Variants in PHYKPL observed in about 807,000 individuals in gnomAD.
PHYKPL encodes the protein 5-phosphonooxy-L-lysine phospho-lyase.
PHYKPL carries 42 observed loss-of-function variants against 51.3 expected under a neutral mutation model. That is an observed-to-expected ratio of 0.82 (90% CI 0.64 to 1.06). The LOEUF (loss-of-function observed/expected upper bound fraction) is 1.06, where lower values mean the gene tolerates loss of function less well. PHYKPL is among the 50% of genes least tolerant of loss of function. PHYKPL has a pLI of 0.00. For synonymous variants in PHYKPL, 264 were observed against 236.0 expected, an observed-to-expected ratio of 1.12 and a Z score of -1.09; for missense variants, 655 against 586.6, an observed-to-expected ratio of 1.12 and a Z score of -1.20.
chr5:178,223,045 G>A (rs1761519774), intron 6 of PHYKPL, 111 bp from the exon 7 acceptor site: 37 of 996,604 alleles, frequency 3.7e-5, no homozygotes, highest in Non-Finnish European at 5.3e-5. Context: ...CATCAGTGCT[G>A]CACCCCTACT....
chr5:178,228,916 A>G (rs1762825236), intron 3 of PHYKPL, among the ~76,000 whole-genome samples: 1 of 151,962 alleles, frequency 6.6e-6, no homozygotes, highest in Non-Finnish European at 1.5e-5. Flanking sequence ...CAGCTTCCCC[A>G]CTTGGCGGAG....
chr5:178,207,691 C>CTTTTTTTT (rs34424574), downstream of PHYKPL, among the ~76,000 whole-genome samples: 7 of 78,774 alleles, frequency 8.9e-5, no homozygotes, highest in African/African-American at 2.1e-4. Flanking sequence ...ACTTTGAGCA[C>CTTTTTTTT]TTTTTTTTTT....
Position 178,224,474 on chromosome 5 carries a change from T to C in PHYKPL, c.592A>G (p.Ser198Gly), listed in dbSNP as rs769473743. The C allele has an allele frequency of 3.1e-6, 5 of 1,602,996 alleles. No individual in the cohort carries two copies. The highest frequency in any genetic ancestry group is 1.3e-5 in the African/African-American group (1 of 74,878). The change falls in exon 6 of 13, where the codon AGC (serine) becomes GGC (glycine). Residue 198 changes from serine (S) to glycine (G), a missense_variant. Coordinates refer to ENST00000308158, the MANE Select transcript of PHYKPL (RefSeq NM_153373.4). Reference protein sequence around the residue: ...AYANEVKRVVSSAQEKGRKIA... With the variant: ...AYANEVKRVVGSAQEKGRKIA... ...TTCCTGCCCTTCTCCTGTGCACTGC[T>C]GACCACACGTTTCACCTCGTTGGCA...
At chr5:178,209,980 CCCAGGGCCCTTATACA>C (rs1414985677) in intron 12 of PHYKPL, 2 of 997,320 alleles carry the variant, frequency 2.0e-6, no homozygotes, top group African/African-American at 4.9e-5. Context: ...CAGGGTTGGG[CCCAGGGCCCTTATACA>C]CCAGAACAGC....
rs770344067 is a variant in PHYKPL at position 178,231,476 on chromosome 5, C to T, written c.107G>A (p.Arg36Gln). The part of the protein sequence containing the change: ...FFPEDPVKIV[R>Q]AQGQYMYDEQ... Reference sequence around the variant, plus strand: ...ATCGTACATGTACTGCCCTTGGGCCCGGACAATCTTAACAGGATCCTCGGG... The same window carrying T: ...ATCGTACATGTACTGCCCTTGGGCCTGGACAATCTTAACAGGATCCTCGGG... The change falls in exon 2 of 13, where the codon CGG (arginine) becomes CAG (glutamine). Residue 36 changes from arginine to glutamine, a missense_variant. Coordinates refer to ENST00000308158, the MANE Select transcript of PHYKPL (RefSeq NM_153373.4). The T allele has an allele frequency of 1.1e-5, 18 of 1,613,906 alleles. No individual in the cohort carries two copies. Among genetic ancestry groups the T allele is most frequent in the Admixed American group, 1.7e-5 (1 of 59,992 alleles).
At chr5:178,231,171 C>T (rs1763320890) in intron 2 of PHYKPL, among the ~76,000 whole-genome samples, 1 of 152,188 alleles carries the variant, frequency 6.6e-6, no homozygotes, top group Non-Finnish European at 1.5e-5. Flanking sequence ...ATCATCAGTC[C>T]CAAGTGGAAC....
rs555011866 is a variant in PHYKPL, at chr5:178,231,149, C to T, written c.178+256G>A. ...CTGGTCACAGCTGGGCCATCTGCCA[C>T]TTTGTGAGCTCATCATCAGTCCCAA... On this transcript the variant is annotated intron_variant, in intron 2 of 12. Transcript: ENST00000308158. 2.6e-5 allele frequency among the ~76,000 whole-genome samples: 4 copies of T among 152,336 alleles called. No homozygotes were observed. In the East Asian group the frequency reaches 7.7e-4, roughly 29 times the overall value.
chr5:178,219,909 T>C (rs983246220), intron 8 of PHYKPL, among the ~76,000 whole-genome samples: 4 of 152,022 alleles, frequency 2.6e-5, no homozygotes, highest in East Asian at 2.0e-4. Flanking sequence ...GAAGAAGATA[T>C]AGGCCGGGTG....
intron 8 of PHYKPL, 63 bp from the exon 9 acceptor site, chr5:178,215,493 G>T: frequency 1.9e-6 from 3 of 1,539,412 alleles, no homozygotes; most frequent in Middle Eastern, 2.4e-4. Context: ...CCAGAGTGAG[G>T]GTGAGGCAGA....
chr5:178,216,577 C>T (rs1759839561), intron 8 of PHYKPL: 1 of 152,194 alleles, frequency 6.6e-6, no homozygotes, highest in Admixed American at 6.5e-5. Context: ...AATATGATTT[C>T]CACAGTTGCC....
intron 8 of PHYKPL, among the ~76,000 whole-genome samples, chr5:178,218,664 A>C (rs960301113): frequency 1.3e-5 from 2 of 152,168 alleles, no homozygotes; most frequent in Admixed American, 1.3e-4. Flanking sequence ...TTTATAACCC[A>C]CCCAGTCTAT....
chr5:178,230,014 G>A lies in PHYKPL; in HGVS notation c.264C>T (p.Asn88=), dbSNP rs1313050278. Residue 88 remains asparagine, a synonymous_variant, in exon 3 of 13, where the codon AAC becomes AAT. Coordinates refer to ENST00000308158, the MANE Select transcript of PHYKPL (RefSeq NM_153373.4). ...ACAGCCTCTGCGCATAGTCCACGAT[G>A]TTGTCATGCAGGTACCGGCTGTTGG... is the stretch of plus-strand genomic sequence containing the variant. ...LNTNSRYLHD[N]IVDYAQRLSE... is the part of the protein sequence containing the mutation. 3 of 1,614,238 alleles carry A rather than the reference G, an allele frequency of 1.9e-6. No individual in the cohort carries two copies. Among genetic ancestry groups the A allele is most frequent in the Non-Finnish European group, 8.5e-7 (1 of 1,180,042 alleles).
chr5:178,216,748 C>T (rs1759874728), intron 8 of PHYKPL: 1 of 152,260 alleles, frequency 6.6e-6, no homozygotes, highest in South Asian at 2.1e-4. Context: ...ATGTTACAAA[C>T]ATGTTAGCTG....
intron 8 of PHYKPL, among the ~76,000 whole-genome samples, chr5:178,220,733 A>AAAAAAAAAAAAAAAAAAAAAAAAC (rs1561710944): frequency 6.8e-6 from 1 of 146,860 alleles, no homozygotes. Flanking sequence ...AAAAAAAAAA[A>AAAAAAAAAAAAAAAAAAAAAAAAC]AAAACAAAAA....
In PHYKPL at chr5:178,215,297, T is replaced by C; in HGVS notation, c.1061A>G (p.His354Arg). ...MQLLGQQKIK[H>R]PIVGDVRGVG... is the part of the protein sequence containing the mutation. ...TCACCTGACATCCCCGACGATGGGA[T>C]GTTTGATTTTTTGCTGCCCGAGGAG... Residue 354 changes from histidine to arginine, a missense_variant, in exon 9 of 13, where the codon CAT (histidine) becomes CGT (arginine). Physicochemically the swap from His to Arg is conservative, Grantham distance 29. Coordinates refer to ENST00000308158, the MANE Select transcript of PHYKPL (RefSeq NM_153373.4). 6.2e-7 allele frequency: 1 copy of C among 1,613,938 alleles called. No individual in the cohort carries two copies. The highest frequency in any genetic ancestry group is 1.3e-5 in the African/African-American group (1 of 74,992).
Position 178,222,488 on chromosome 5 carries a change from T to C in PHYKPL, c.794A>G (p.Gln265Arg), listed in dbSNP as rs1481799307. 1 of 1,614,268 alleles carries C rather than the reference T, an allele frequency of 6.2e-7. No homozygotes were observed. Among genetic ancestry groups the C allele is most frequent in the Non-Finnish European group, 8.5e-7 (1 of 1,180,048 alleles). ...GATGTCAGGGACGAAGTCTTTTCCC[T>C]GGAGCTGGAAGGCCCAGAAGTGCTT... ...VGKHFWAFQL[Q>R]GKDFVPDIVT... Residue 265 changes from glutamine to arginine, a missense_variant, in exon 8 of 13, where the codon CAG (glutamine) becomes CGG (arginine). Physicochemically the swap from Gln to Arg is conservative, Grantham distance 43. Coordinates refer to ENST00000308158, the MANE Select transcript of PHYKPL (RefSeq NM_153373.4).
At chr5:178,209,309 C>T in intron 12 of PHYKPL, 1 of 1,603,428 alleles carries the variant, frequency 6.2e-7, no homozygotes, top group South Asian at 1.1e-5. Context: ...CTGGCCTGAC[C>T]ACTGTCCTCT....
chr5:178,224,358 T>C, intron 6 of PHYKPL, 90 bp downstream of exon 6: 1 of 1,366,818 alleles, frequency 7.3e-7, no homozygotes, highest in Non-Finnish European at 9.9e-7. Context: ...TTTGGTTTTC[T>C]CTCTGGGTTC....
At chr5:178,220,721 C>CAAAA (rs751171063) in intron 8 of PHYKPL, among the ~76,000 whole-genome samples, 1 of 46,704 alleles carries the variant, frequency 2.1e-5, no homozygotes, top group South Asian at 8.2e-4. Flanking sequence ...TTCATAATTG[C>CAAAA]AAAAAAAAAA....
Sources: allele counts gnomAD v4.1 joint callset (sites outside exome capture counted in the v4.1 genomes callset), GRCh38; gene constraint gnomAD v4.1.1; transcripts MANE v1.5; gene names NCBI Gene and HGNC (gene_info 2026-07-23, HGNC 2026-07-21).